Variants in AHI1 observed in about 807,000 individuals in gnomAD.
AHI1 encodes jouberin.
In AHI1, 123 loss-of-function variants were observed where a neutral mutation model predicts 149.3. The observed-to-expected ratio is 0.82, with a 90% CI of 0.71 to 0.96. AHI1 has a LOEUF of 0.96. Ranked by LOEUF, AHI1 falls within the 40% of genes least tolerant of loss-of-function variation. The pLI is 0.00. For synonymous variants in AHI1, 475 were observed against 459.8 expected (o/e 1.03, Z -0.42); for missense variants, 1,439 against 1,422.7 (o/e 1.01, Z -0.18).
chr6:135,493,059 T>C lies in AHI1; in HGVS notation c.-54-768A>G, dbSNP rs113435075. On this transcript the variant is annotated intron_variant, in intron 3 of 28. Transcript: ENST00000265602. ...AGTCTCCCTTTGTCGAGTGCAGTGGTGTGATCTCGGCTCACTGCAACCTCC... is the reference window on the plus strand; with the variant it reads ...AGTCTCCCTTTGTCGAGTGCAGTGGCGTGATCTCGGCTCACTGCAACCTCC... 2,650 of 779,088 alleles carry C rather than the reference T, an allele frequency of 3.4e-3. 69 individuals carry two copies. In the African/African-American group the frequency reaches 0.047, roughly 14 times the overall value. The allele number at this position is 779,088 out of a possible 1,614,324, so 48.3% of individuals were successfully genotyped here.
chr6:135,463,702 T>C (rs1285507291), intron 7 of AHI1, among the ~76,000 whole-genome samples: 1 of 152,236 alleles, frequency 6.6e-6, no homozygotes, highest in Non-Finnish European at 1.5e-5. Flanking sequence ...TATTCTAGGT[T>C]TGTTCCGTCT....
chr6:135,459,277 G>A (rs1162573916), intron 8 of AHI1, among the ~76,000 whole-genome samples: 1 of 151,940 alleles, frequency 6.6e-6, no homozygotes, highest in Non-Finnish European at 1.5e-5. Flanking sequence ...TCTAAATAAT[G>A]ATCAATTAAA....
At chr6:135,332,054 C>T (rs1457213114) in intron 24 of AHI1, among the ~76,000 whole-genome samples, 4 of 151,382 alleles carry the variant, frequency 2.6e-5, no homozygotes, top group African/African-American at 9.7e-5. Flanking sequence ...TACTTGATAT[C>T]CGTTTTCAGG....
chr6:135,359,667 CT>C (rs1370300023), intron 23 of AHI1, among the ~76,000 whole-genome samples: 1 of 152,168 alleles, frequency 6.6e-6, no homozygotes, highest in Non-Finnish European at 1.5e-5. Context: ...TGGCAACTGG[CT>C]TTCAAATGAG....
intron 23 of AHI1, among the ~76,000 whole-genome samples, chr6:135,389,522 G>C (rs527341324): frequency 1.3e-5 from 2 of 152,058 alleles, no homozygotes; most frequent in Non-Finnish European, 2.9e-5. Flanking sequence ...GTTTTACAAG[G>C]TCTAACGGAG....
At chr6:135,475,280 C>T (rs991650035) in intron 5 of AHI1, among the ~76,000 whole-genome samples, 6 of 152,118 alleles carry the variant, frequency 3.9e-5, no homozygotes, top group Non-Finnish European at 7.4e-5. Flanking sequence ...CGGCAATTTG[C>T]GTCTTCTTTC....
intron 5 of AHI1, among the ~76,000 whole-genome samples, chr6:135,471,988 C>T (rs1277617269): frequency 4.1e-5 from 5 of 121,004 alleles, no homozygotes; most frequent in East Asian, 5.5e-4. Context: ...GTCCGCAGTC[C>T]GGCCTGGGCG....
At chr6:135,493,125 A>G in intron 3 of AHI1, 1 of 241,816 alleles carries the variant, frequency 4.1e-6, no homozygotes, top group Non-Finnish European at 6.6e-6. Context: ...CAGCCTCCCG[A>G]GTGGCTGGGA....
chr6:135,410,828 T>G (rs1159764016), intron 21 of AHI1, among the ~76,000 whole-genome samples: 1 of 152,222 alleles, frequency 6.6e-6, no homozygotes, highest in African/African-American at 2.4e-5. Context: ...AGATACGCTT[T>G]GCCTTTACTT....
chr6:135,397,315 A>T (rs1020354011), intron 22 of AHI1, among the ~76,000 whole-genome samples: 1 of 151,962 alleles, frequency 6.6e-6, no homozygotes, highest in Non-Finnish European at 1.5e-5. Flanking sequence ...TTTTTGAAAT[A>T]TGTGCTGCGG....
intron 24 of AHI1, among the ~76,000 whole-genome samples, chr6:135,327,045 T>C (rs1026079127): frequency 1.3e-5 from 2 of 152,206 alleles, no homozygotes; most frequent in Non-Finnish European, 2.9e-5. Flanking sequence ...CCCATTCCCA[T>C]ACAGGTTGCT....
rs577305779 is a variant in AHI1, at chr6:135,415,831, A to G, written c.2765-4287T>C. 1.2e-3 allele frequency among the ~76,000 whole-genome samples: 185 copies of G among 152,336 alleles called. 1 individual carries two copies. The highest frequency in any genetic ancestry group is 4.1e-3 in the African/African-American group (170 of 41,584). On this transcript the variant is annotated intron_variant, in intron 20 of 28. Transcript: ENST00000265602. ...AATTAAACAACACCCAACAATATAA[A>G]GAATAAACTACTGATAAATGCTAAA...
intron 26 of AHI1, 155 bp downstream of exon 26, chr6:135,318,364 G>T: frequency 1.6e-6 from 1 of 612,268 alleles, no homozygotes; most frequent in Non-Finnish European, 2.8e-6. Flanking sequence ...TGGCTATAAC[G>T]TTTGCCTTAT....
chr6:135,318,042 C>A (rs1243989192), intron 26 of AHI1, among the ~76,000 whole-genome samples: 1 of 152,222 alleles, frequency 6.6e-6, no homozygotes, highest in Admixed American at 6.5e-5. Flanking sequence ...ATTTCTCTGG[C>A]TACTCTGGCT....
At chr6:135,415,441 G>A (rs1415030450) in intron 20 of AHI1, among the ~76,000 whole-genome samples, 1 of 152,148 alleles carries the variant, frequency 6.6e-6, no homozygotes, top group Non-Finnish European at 1.5e-5. Flanking sequence ...CAGTGTAAAA[G>A]TGTTCCTATT....
At chr6:135,479,890 T>C (rs1793325150) in intron 5 of AHI1, among the ~76,000 whole-genome samples, 1 of 152,170 alleles carries the variant, frequency 6.6e-6, no homozygotes, top group African/African-American at 2.4e-5. Flanking sequence ...TCATGAGTTC[T>C]CCTGAGATCC....
chr6:135,347,442 T>C (rs1237165867), intron 24 of AHI1, among the ~76,000 whole-genome samples: 1 of 152,264 alleles, frequency 6.6e-6, no homozygotes, highest in Non-Finnish European at 1.5e-5. Flanking sequence ...CTGATTCTGC[T>C]TTTAGAGAGT....
intron 23 of AHI1, among the ~76,000 whole-genome samples, chr6:135,377,462 G>GTTATTTATTTATTTATTTAT (rs57058733): frequency 2.0e-5 from 3 of 148,408 alleles, no homozygotes; most frequent in African/African-American, 7.5e-5. Context: ...CTGGCTTTGA[G>GTTATTTATTTATTTATTTAT]TTATTTATTT....
In AHI1 at chr6:135,405,877, A is replaced by G. The variant is rs888514298; in HGVS notation, c.2962-900T>C. Among the ~76,000 whole-genome samples the G allele has an allele frequency of 2.7e-5, 4 of 150,152 alleles. No homozygotes were observed. In the East Asian group the frequency reaches 7.8e-4, roughly 29 times the overall value. On this transcript the variant is annotated intron_variant, in intron 21 of 28. Transcript: ENST00000265602. Reference sequence around the variant, plus strand: ...TCCAACTCAAAAAAAAAAAAAAAGAAAAAAAAAAGAAAAAGAAAAAGAAAA... The same window carrying G: ...TCCAACTCAAAAAAAAAAAAAAAGAGAAAAAAAAGAAAAAGAAAAAGAAAA...
Sources: gnomAD v4.1 joint callset for allele counts (sites outside exome capture counted in the v4.1 genomes callset) on GRCh38, gnomAD v4.1.1 for gene constraint, MANE v1.5 for transcripts, NCBI Gene and HGNC (gene_info 2026-07-23, HGNC 2026-07-21) for gene names.